The following SYNE1 variants were observed in gnomAD, a reference collection of about 807,000 sequenced individuals.
SYNE1 encodes spectrin repeat containing nuclear envelope protein 1.
A neutral mutation model predicts 1,111.0 loss-of-function variants in SYNE1; 616 were observed. That is an observed-to-expected ratio of 0.55 (90% CI 0.52 to 0.59). SYNE1 has a LOEUF of 0.59. Ranked by LOEUF, SYNE1 falls within the 20% of genes least tolerant of loss-of-function variation. SYNE1 has a pLI of 0.00. For missense variants in SYNE1, 10,006 were observed against 10,417.0 expected, an observed-to-expected ratio of 0.96 and a Z score of 1.72; for synonymous variants, 3,855 against 3,825.8, an observed-to-expected ratio of 1.01 and a Z score of -0.28.
intron 32 of SYNE1, among the ~76,000 whole-genome samples, chr6:152,440,921 CA>C (rs1487525994): frequency 6.6e-6 from 1 of 152,118 alleles, no homozygotes; most frequent in Non-Finnish European, 1.5e-5. Flanking sequence ...AACCATTTTC[CA>C]ATTTGATAAA....
chr6:152,466,308 C>A (rs1046710631), intron 16 of SYNE1, among the ~76,000 whole-genome samples: 1 of 152,174 alleles, frequency 6.6e-6, no homozygotes, highest in Non-Finnish European at 1.5e-5. Flanking sequence ...AGAAAATATT[C>A]TATTTCTTCA....
rs1361817872 is a variant in SYNE1, at chr6:152,247,746, T to TAC, written c.19572+1414_19572+1415insGT. On this transcript the variant is annotated intron_variant, in intron 105 of 145. Coordinates refer to ENST00000367255, the MANE Select transcript of SYNE1 (RefSeq NM_182961.4). The stretch of plus-strand genomic sequence containing the variant: ...TTTTTATTATATATATATATATATA[T>TAC]ATATACACACACACACACACACACA... 2.5e-3 allele frequency among the ~76,000 whole-genome samples: 230 copies of TAC among 92,172 alleles called. 1 individual carries two copies. The highest frequency in any genetic ancestry group is 8.1e-3 in the African/African-American group (144 of 17,700). 60.5% of individuals were successfully genotyped at this position (92,172 alleles called of 152,430 possible).
At chr6:152,184,085 C>T (rs944485695) in intron 128 of SYNE1, among the ~76,000 whole-genome samples, 1 of 152,100 alleles carries the variant, frequency 6.6e-6, no homozygotes, top group African/African-American at 2.4e-5. Flanking sequence ...TCTCTATGTG[C>T]CCAGCACTGT....
intron 106 of SYNE1, among the ~76,000 whole-genome samples, chr6:152,244,036 G>A (rs1363626944): frequency 6.6e-6 from 1 of 152,110 alleles, no homozygotes; most frequent in African/African-American, 2.4e-5. Context: ...TTTTGTTGTT[G>A]TTGTTCTAGA....
chr6:152,245,770 G>A (rs948254274), intron 105 of SYNE1, among the ~76,000 whole-genome samples: 1 of 152,118 alleles, frequency 6.6e-6, no homozygotes, highest in Non-Finnish European at 1.5e-5. Context: ...AAGTAAGGAG[G>A]GTTAGTGAAG....
At position 152,168,247 on chromosome 6, in the gene SYNE1, C is replaced by G. The variant is rs755730621; in HGVS notation, c.23628-3922G>C. The G allele has an allele frequency of 4.3e-6, 3 of 700,150 alleles. No individual in the cohort carries two copies. The African/African-American group carries it at 5.3e-5, about 12-fold the overall frequency. 43.4% of individuals were successfully genotyped at this position (700,150 alleles called of 1,614,324 possible). A position where few individuals can be genotyped will look rare whatever the true frequency, so the allele number is the denominator to read the frequency against. ...AAGTTAGACTCTGCAGAGCAAAAAG[C>G]TATATCCTGCGTGGGGATGAAAGTT... On this transcript the variant is annotated intron_variant, in intron 130 of 145. Transcript: ENST00000367255.
At chr6:152,187,141 A>T (rs2070386686) in intron 128 of SYNE1, among the ~76,000 whole-genome samples, 1 of 152,206 alleles carries the variant, frequency 6.6e-6, no homozygotes, top group Non-Finnish European at 1.5e-5. Context: ...AACTCAAATC[A>T]TTAACATGTT....
chr6:152,630,219 C>A (rs1326792627), intron 2 of SYNE1, among the ~76,000 whole-genome samples: 1 of 151,934 alleles, frequency 6.6e-6, no homozygotes, highest in Non-Finnish European at 1.5e-5. Context: ...GAAAGCATTA[C>A]TAACTTAGCA....
chr6:152,580,724 C>A (rs1259576190), intron 3 of SYNE1, among the ~76,000 whole-genome samples: 2 of 152,118 alleles, frequency 1.3e-5, no homozygotes, highest in Non-Finnish European at 2.9e-5. Context: ...CACTCTTCTG[C>A]ATATTAGCCA....
chr6:152,282,450 A>T (rs1457487605), intron 96 of SYNE1, among the ~76,000 whole-genome samples: 1 of 152,208 alleles, frequency 6.6e-6, no homozygotes, highest in Non-Finnish European at 1.5e-5. Context: ...TCCCTGTGGG[A>T]AGCGGTGGCC....
chr6:152,496,062 C>CAGTGT (rs2098997750), intron 11 of SYNE1, among the ~76,000 whole-genome samples: 1 of 152,100 alleles, frequency 6.6e-6, no homozygotes, highest in Admixed American at 6.6e-5. Context: ...TCTTCTGTGA[C>CAGTGT]TCCTCTACCT....
intron 3 of SYNE1, among the ~76,000 whole-genome samples, chr6:152,570,784 A>G (rs1482256084): frequency 3.3e-5 from 5 of 152,208 alleles, no homozygotes; most frequent in Non-Finnish European, 7.3e-5. Context: ...AGTCCTTACT[A>G]TCATGGTAAG....
intron 129 of SYNE1, 56 bp downstream of exon 129, chr6:152,180,080 A>G: frequency 6.3e-7 from 1 of 1,589,788 alleles, no homozygotes. Flanking sequence ...GTACCTGTGA[A>G]AAGTACACAT....
chr6:152,507,157 G>C (rs571549533), intron 8 of SYNE1, among the ~76,000 whole-genome samples: 3 of 152,154 alleles, frequency 2.0e-5, no homozygotes, highest in African/African-American at 7.2e-5. Flanking sequence ...CTACTCATTT[G>C]TAATCCAACT....
chr6:152,186,810 G>C (rs2070246083), intron 128 of SYNE1, among the ~76,000 whole-genome samples: 1 of 151,162 alleles, frequency 6.6e-6, no homozygotes, highest in South Asian at 2.1e-4. Context: ...TATTAAGAGA[G>C]CAGGTAGTGC....
intron 46 of SYNE1, among the ~76,000 whole-genome samples, chr6:152,402,049 T>G (rs536988845): frequency 1.3e-5 from 2 of 152,094 alleles, no homozygotes; most frequent in Non-Finnish European, 2.9e-5. Context: ...AGTAAATATC[T>G]TTCTTTCTCT....
chr6:152,418,042 C>T (rs1330460804), intron 40 of SYNE1, among the ~76,000 whole-genome samples: 1 of 152,294 alleles, frequency 6.6e-6, no homozygotes, highest in East Asian at 1.9e-4. Context: ...TAGAAATTAT[C>T]ACCTATCTTA....
chr6:152,148,256 G>A lies in SYNE1; in HGVS notation c.24765C>T (p.Ser8255=). Residue 8255 remains serine (S), a synonymous_variant, in exon 137 of 146, where the codon TCC becomes TCT. Transcript: ENST00000367255. The surrounding 1 kb of genome is among the most constrained non-coding windows in gnomAD (Gnocchi z 4.1). ...ADSLLSPQPS[S]NLSLSLAQPL... ...GCTGAGCGAGCGAGAGGGAGAGATT[G>A]GAGGAAGGCTGTGGAGAAAGCAGGC... 1 of 1,613,720 alleles carries A rather than the reference G, an allele frequency of 6.2e-7. No individual in the cohort carries two copies. Among genetic ancestry groups the A allele is most frequent in the Non-Finnish European group, 8.5e-7 (1 of 1,179,698 alleles).
At chr6:152,472,650 A>C (rs924872285) in intron 14 of SYNE1, 8 of 702,482 alleles carry the variant, frequency 1.1e-5, no homozygotes, top group Non-Finnish European at 1.8e-5. Context: ...TTAAACACAC[A>C]TGACACTTGC....
Sources: allele counts gnomAD v4.1 joint callset (sites outside exome capture counted in the v4.1 genomes callset), GRCh38; gene constraint gnomAD v4.1.1; non-coding constraint Gnocchi (gnomAD v3.1); transcripts MANE v1.5; gene names NCBI Gene and HGNC (gene_info 2026-07-23, HGNC 2026-07-21).